CFAP299: variants seen among roughly 807,000 people sequenced by gnomAD.
CFAP299 encodes cilia- and flagella-associated protein 299.
CFAP299 carries 21 observed loss-of-function variants against 27.0 expected under a neutral mutation model. That is an observed-to-expected ratio of 0.78 (90% CI 0.55 to 1.12). CFAP299 has a LOEUF of 1.12. CFAP299 is among the 50% of genes most tolerant of loss of function. The pLI is 0.00. For missense variants in CFAP299, 310 were observed against 276.6 expected, an observed-to-expected ratio of 1.12 and a Z score of -0.86; for synonymous variants, 104 against 98.1, an observed-to-expected ratio of 1.06 and a Z score of -0.36.
At chr4:80,811,690 G>A (rs1729161358) in intron 3 of CFAP299, among the ~76,000 whole-genome samples, 1 of 152,152 alleles carries the variant, frequency 6.6e-6, no homozygotes, top group Non-Finnish European at 1.5e-5. Flanking sequence ...GAGTTGAGAA[G>A]CTGCATTGCT....
chr4:80,623,409 T>C (rs913856588), intron 3 of CFAP299, among the ~76,000 whole-genome samples: 11 of 152,222 alleles, frequency 7.2e-5, no homozygotes, highest in Admixed American at 6.5e-4. Flanking sequence ...TAATTAGACA[T>C]GTATAGAACC....
rs185930092 is a variant in CFAP299 at position 80,880,147 on chromosome 4, G to C, written c.476+10012G>C. Among the ~76,000 whole-genome samples, 26 of 152,034 alleles carry C rather than the reference G, an allele frequency of 1.7e-4. 1 individual carries two copies. The highest frequency in any genetic ancestry group is 1.0e-3 in the South Asian group (5 of 4,820). On this transcript the variant is annotated intron_variant, in intron 4 of 5. Transcript: ENST00000358105. ...CAGGAGGAGGGAAGCGGGGAGAAAG[G>C]GGGGGAGAGAATCTATTCAAACAAG...
intron 4 of CFAP299, among the ~76,000 whole-genome samples, chr4:80,882,063 A>G (rs72865171): frequency 0.037 from 5,563 of 152,266 alleles, 244 homozygotes; most frequent in African/African-American, 0.11. Flanking sequence ...AGAGGAGCAA[A>G]AAAAAAGAAT....
intron 2 of CFAP299, among the ~76,000 whole-genome samples, chr4:80,580,871 GTGTGGCTA>G (rs1179454313): frequency 6.6e-6 from 1 of 151,974 alleles, no homozygotes; most frequent in Non-Finnish European, 1.5e-5. Context: ...AAGAGACAAT[GTGTGGCTA>G]TGTTCTCTTT....
At chr4:80,510,774 T>G (rs1732258599) in intron 2 of CFAP299, among the ~76,000 whole-genome samples, 1 of 152,200 alleles carries the variant, frequency 6.6e-6, no homozygotes. Flanking sequence ...AAAGCCATAT[T>G]CAAGACTTGC....
At chr4:80,530,219 A>G (rs1488811554) in intron 2 of CFAP299, among the ~76,000 whole-genome samples, 4 of 152,154 alleles carry the variant, frequency 2.6e-5, no homozygotes, top group Non-Finnish European at 4.4e-5. Flanking sequence ...CTATGATCAT[A>G]GTGTTTCAAA....
At chr4:80,561,333 C>A (rs1735026887) in intron 2 of CFAP299, among the ~76,000 whole-genome samples, 1 of 152,102 alleles carries the variant, frequency 6.6e-6, no homozygotes, top group East Asian at 1.9e-4. Flanking sequence ...AAAAGACTTC[C>A]CAAGAATGAT....
intron 3 of CFAP299, among the ~76,000 whole-genome samples, chr4:80,613,236 G>T (rs1252517160): frequency 2.0e-5 from 3 of 152,036 alleles, no homozygotes; most frequent in African/African-American, 7.3e-5. Context: ...TTTGGTTTGT[G>T]CAGGAAGTAG....
intron 3 of CFAP299, among the ~76,000 whole-genome samples, chr4:80,787,553 G>A (rs1444314425): frequency 5.9e-5 from 9 of 151,880 alleles, no homozygotes; most frequent in Non-Finnish European, 1.3e-4. Flanking sequence ...CCACCAAAGA[G>A]CATCCTGAGG....
At chr4:80,568,131 C>G (rs1370707086) in intron 2 of CFAP299, among the ~76,000 whole-genome samples, 5 of 151,444 alleles carry the variant, frequency 3.3e-5, no homozygotes, top group African/African-American at 4.8e-5. Flanking sequence ...GTTAGAAAAA[C>G]TTTTAGGGAA....
chr4:80,702,339 C>T (rs898864836), intron 3 of CFAP299, among the ~76,000 whole-genome samples: 2 of 151,810 alleles, frequency 1.3e-5, no homozygotes, highest in African/African-American at 4.8e-5. Flanking sequence ...AGACATTTAT[C>T]CTTTAAAGAA....
intron 1 of CFAP299, among the ~76,000 whole-genome samples, chr4:80,344,158 G>C (rs561818775): frequency 6.6e-6 from 1 of 152,112 alleles, no homozygotes; most frequent in Non-Finnish European, 1.5e-5. Context: ...GAGCTGAACT[G>C]AAGGAGATAG....
intron 2 of CFAP299, among the ~76,000 whole-genome samples, chr4:80,527,068 G>T (rs1262701754): frequency 6.6e-6 from 1 of 152,088 alleles, no homozygotes; most frequent in East Asian, 1.9e-4. Flanking sequence ...GATAAAATTA[G>T]ATCATGCACA....
At chr4:80,924,534 GTGTGTATA>G (rs1167576437) in intron 4 of CFAP299, among the ~76,000 whole-genome samples, 13 of 131,998 alleles carry the variant, frequency 9.8e-5, no homozygotes, top group Admixed American at 4.4e-4. Context: ...GTGTGTGTGT[GTGTGTATA>G]TATATATATA....
At chr4:80,738,440 A>G (rs750812846) in intron 3 of CFAP299, among the ~76,000 whole-genome samples, 4 of 152,154 alleles carry the variant, frequency 2.6e-5, no homozygotes, top group African/African-American at 4.8e-5. Context: ...ATTTAAGATC[A>G]CTATATCCTC....
chr4:80,693,308 C>G (rs1188786224), intron 3 of CFAP299, among the ~76,000 whole-genome samples: 20 of 151,786 alleles, frequency 1.3e-4, no homozygotes, highest in East Asian at 9.7e-4. Context: ...AAATGTCCAA[C>G]AATGATAGAC....
chr4:80,753,156 A>T (rs886114804), intron 3 of CFAP299, among the ~76,000 whole-genome samples: 1 of 151,896 alleles, frequency 6.6e-6, no homozygotes, highest in Non-Finnish European at 1.5e-5. Flanking sequence ...ACTTTTAAAA[A>T]TATTTTGTTT....
At chr4:80,860,076 A>G (rs1404126376) in intron 3 of CFAP299, among the ~76,000 whole-genome samples, 1 of 151,982 alleles carries the variant, frequency 6.6e-6, no homozygotes, top group Non-Finnish European at 1.5e-5. Context: ...GTCTTTTCAC[A>G]TTGTCCCATA....
intron 4 of CFAP299, among the ~76,000 whole-genome samples, chr4:80,896,493 A>G (rs2110191202): frequency 6.6e-6 from 1 of 151,986 alleles, no homozygotes; most frequent in Non-Finnish European, 1.5e-5. Context: ...CAGACACACA[A>G]ATTAACATGT....
Sources: gnomAD v4.1 joint callset for allele counts (sites outside exome capture counted in the v4.1 genomes callset) on GRCh38, gnomAD v4.1.1 for gene constraint, MANE v1.5 for transcripts, NCBI Gene and HGNC (gene_info 2026-07-23, HGNC 2026-07-21) for gene names.